UTP11: variants seen among roughly 807,000 people sequenced by gnomAD.
UTP11 encodes the protein probable U3 small nucleolar RNA-associated protein 11.
A neutral mutation model predicts 39.0 loss-of-function variants in UTP11; 29 were observed. That is an observed-to-expected ratio of 0.74 (90% CI 0.55 to 1.01). The LOEUF (loss-of-function observed/expected upper bound fraction) is 1.01, where lower values mean the gene tolerates loss of function less well. Ranked by LOEUF, UTP11 falls within the 50% of genes least tolerant of loss-of-function variation. The probability of loss-of-function intolerance (pLI) is 0.00; values close to 1 mark genes in which losing one functional copy is unlikely to be tolerated. For synonymous variants in UTP11, 111 were observed against 105.0 expected (o/e 1.06, Z -0.35); for missense variants, 281 against 306.0 (o/e 0.92, Z 0.61).
At chr1:38,013,818 G>C (rs977061266) in intron 1 of UTP11, among the ~76,000 whole-genome samples, 1 of 152,074 alleles carries the variant, frequency 6.6e-6, no homozygotes, top group Non-Finnish European at 1.5e-5. Context: ...AGGTTCAAGC[G>C]GTTCTCCTGC....
In UTP11 at chr1:38,024,298, G is replaced by A. The variant is rs892721264; in HGVS notation, c.*670G>A. 3 of 152,036 alleles carry A rather than the reference G, an allele frequency of 2.0e-5. No individual in the cohort carries two copies. The highest frequency in any genetic ancestry group is 4.4e-5 in the Non-Finnish European group (3 of 68,010). The allele number at this position is 152,036 out of a possible 1,614,324, so 9.4% of individuals were successfully genotyped here. A position where few individuals can be genotyped will look rare whatever the true frequency, so the allele number is the denominator to read the frequency against. ...CTGTGGAGGTGGACAATTACTGTGAGTAGTCTAGTTGATTTCCTCCATTTT... is the reference window on the plus strand; with the variant it reads ...CTGTGGAGGTGGACAATTACTGTGAATAGTCTAGTTGATTTCCTCCATTTT... On this transcript the variant is annotated 3_prime_UTR_variant, in exon 8 of 8. Transcript: ENST00000373014.
chr1:38,017,605 T>G, intron 2 of UTP11, 63 bp from the exon 3 acceptor site: 1 of 1,337,924 alleles, frequency 7.5e-7, no homozygotes, highest in Non-Finnish European at 1.0e-6. Context: ...TGTGGGTTTT[T>G]GGTTTTTTAA....
rs1646719065 is a variant in UTP11 at position 38,018,558 on chromosome 1, A to G, written c.323A>G (p.Lys108Arg). The G allele has an allele frequency of 1.2e-6, 2 of 1,612,690 alleles. No homozygotes were observed. Among genetic ancestry groups the G allele is most frequent in the South Asian group, 2.2e-5 (2 of 90,832 alleles). The change falls in exon 4 of 8, where the codon AAG becomes AGG. Residue 108 changes from lysine (K) to arginine (R), a missense_variant. Coordinates refer to ENST00000373014, the MANE Select transcript of UTP11 (RefSeq NM_016037.4). ...CAGGACGTCAAATATATAGAAATGAAGAGGGTTGCAGAAGCTAAGGTAATT... is the reference window on the plus strand; with the variant it reads ...CAGGACGTCAAATATATAGAAATGAGGAGGGTTGCAGAAGCTAAGGTAATT... Reference protein sequence around the residue: ...RTQDVKYIEMKRVAEAKKIER... With the variant: ...RTQDVKYIEMRRVAEAKKIER...
chr1:38,019,506 G>C, intron 6 of UTP11, 123 bp downstream of exon 6: 3 of 901,272 alleles, frequency 3.3e-6, no homozygotes, highest in Non-Finnish European at 4.3e-6. Flanking sequence ...TTATTTTTTA[G>C]TCAGAGTCTC....
chr1:38,013,095 A>G (rs945185695), intron 1 of UTP11, among the ~76,000 whole-genome samples: 1 of 152,254 alleles, frequency 6.6e-6, no homozygotes, highest in African/African-American at 2.4e-5. Context: ...CCTTGGGGAT[A>G]TAAAACCTGC....
chr1:38,013,605 CA>C (rs1159106147), intron 1 of UTP11, among the ~76,000 whole-genome samples: 5 of 152,232 alleles, frequency 3.3e-5, no homozygotes, highest in African/African-American at 1.2e-4. Context: ...ATATGTGCTC[CA>C]ACTTAGTTTT....
At chr1:38,013,721 CT>C (rs11307333) in intron 1 of UTP11, among the ~76,000 whole-genome samples, 17,046 of 148,962 alleles carry the variant, frequency 0.11, 1,021 homozygotes, top group Middle Eastern at 0.17. Flanking sequence ...ATATATCAAA[CT>C]TTTTTTTTTT....
In UTP11 at chr1:38,012,856, G is replaced by T; in HGVS notation, c.54G>T (p.Glu18Asp). The T allele has an allele frequency of 1.2e-6, 2 of 1,614,228 alleles. No individual in the cohort carries two copies. Among genetic ancestry groups the T allele is most frequent in the Non-Finnish European group, 1.7e-6 (2 of 1,180,046 alleles). ...AGTCCCGGCAGCGGGAACACAGAGA[G>T]CGAAGCCAGGTAGGACCATACAGGC... ...AAKSRQREHR[E>D]RSQPGFRKHL... Residue 18 changes from glutamate to aspartate, a missense_variant, in exon 1 of 8, where the codon GAG (glutamate) becomes GAT (aspartate). By Grantham distance (45) the Glu-to-Asp change is conservative. Transcript: ENST00000373014.
At chr1:38,018,272 T>C (rs1244880126) in intron 3 of UTP11, among the ~76,000 whole-genome samples, 192 bp from the exon 4 acceptor site, 2 of 152,150 alleles carry the variant, frequency 1.3e-5, no homozygotes, top group Non-Finnish European at 2.9e-5. Context: ...GGTTTCACCA[T>C]GTTGGTCAGG....
chr1:38,017,919 T>C, intron 3 of UTP11, 149 bp downstream of exon 3: 1 of 685,174 alleles, frequency 1.5e-6, no homozygotes, highest in South Asian at 2.1e-5. Flanking sequence ...AGGCAAACCC[T>C]CCACTTCCAG....
intron 6 of UTP11, among the ~76,000 whole-genome samples, chr1:38,020,193 C>T (rs1646728527): frequency 6.6e-6 from 1 of 152,170 alleles, no homozygotes; most frequent in South Asian, 2.1e-4. Context: ...TCTCCACCTT[C>T]TGGGCTTAAG....
chr1:38,017,427 C>A (rs111766985), intron 2 of UTP11: 15,003 of 343,186 alleles, frequency 0.044, 389 homozygotes, highest in Non-Finnish European at 0.054. Context: ...AGGCTGGGGA[C>A]AGTTAATTTC....
intron 1 of UTP11, among the ~76,000 whole-genome samples, chr1:38,014,137 A>C (rs144611033): frequency 6.6e-6 from 1 of 152,364 alleles, no homozygotes; most frequent in East Asian, 1.9e-4. Context: ...CTCATTTTAC[A>C]AATGAGGAAT....
chr1:38,023,914 T>C lies in UTP11; in HGVS notation c.*286T>C. The C allele has an allele frequency of 4.7e-6, 1 of 213,428 alleles. No individual in the cohort carries two copies. 13.2% of individuals were successfully genotyped at this position (213,428 alleles called of 1,614,324 possible). The stretch of plus-strand genomic sequence containing the variant: ...AGTGCAGTGTGTGATTATGGCTCAC[T>C]GCAACTTTGAACTCCTGGGCTCAAG... On this transcript the variant is annotated 3_prime_UTR_variant, in exon 8 of 8. Transcript: ENST00000373014.
intron 7 of UTP11, 61 bp from the exon 8 acceptor site, chr1:38,023,484 C>A: frequency 6.7e-7 from 1 of 1,502,516 alleles, no homozygotes; most frequent in Non-Finnish European, 9.1e-7. Flanking sequence ...AGTTTATTAA[C>A]CTTTCGATTT....
At chr1:38,023,457 A>C in intron 7 of UTP11, 88 bp from the exon 8 acceptor site, 2 of 1,166,098 alleles carry the variant, frequency 1.7e-6, no homozygotes, top group Non-Finnish European at 2.5e-6. Context: ...GAAGGGCTGA[A>C]GCAGGTGCTA....
chr1:38,023,530 T>C lies in UTP11; in HGVS notation c.679-15T>C. The C allele has an allele frequency of 6.2e-7, 1 of 1,604,968 alleles. No individual in the cohort carries two copies. The highest frequency in any genetic ancestry group is 8.5e-7 in the Non-Finnish European group (1 of 1,176,272). Reference sequence around the variant, plus strand: ...TTTCCTTCTCTTTACTGATCACCTTTTTACTCTTTTGTAGGATAAAACTCA... The same window carrying C: ...TTTCCTTCTCTTTACTGATCACCTTCTTACTCTTTTGTAGGATAAAACTCA... On this transcript the variant is annotated splice_polypyrimidine_tract_variant and intron_variant, in intron 7 of 7. Transcript: ENST00000373014.
At chr1:38,018,716 A>G (rs1646719664) in intron 4 of UTP11, 139 bp downstream of exon 4, 2 of 766,296 alleles carry the variant, frequency 2.6e-6, no homozygotes, top group Non-Finnish European at 4.2e-6. Context: ...TATAGTTAGC[A>G]TGGTAGAGTG....
intron 6 of UTP11, among the ~76,000 whole-genome samples, chr1:38,020,318 G>C (rs377104866): frequency 2.0e-5 from 3 of 152,016 alleles, no homozygotes; most frequent in African/African-American, 7.2e-5. Context: ...GCCCAGGCTG[G>C]TCTTAAACTC....
Sources: allele counts gnomAD v4.1 joint callset (sites outside exome capture counted in the v4.1 genomes callset), GRCh38; gene constraint gnomAD v4.1.1; transcripts MANE v1.5; gene names NCBI Gene and HGNC (gene_info 2026-07-23, HGNC 2026-07-21).